The following SLC35F1 variants were observed in gnomAD, a reference collection of about 807,000 sequenced individuals.
The protein encoded by SLC35F1 is solute carrier family 35 member F1.
In SLC35F1, 14 loss-of-function variants were observed where a neutral mutation model predicts 48.7. The observed-to-expected ratio is 0.29, with a 90% confidence interval of 0.19 to 0.45. SLC35F1 has a LOEUF of 0.45. Ranked by LOEUF, SLC35F1 falls within the 20% of genes least tolerant of loss-of-function variation. The pLI, the probability that SLC35F1 is intolerant of heterozygous loss-of-function variation, is 1.00. For missense variants in SLC35F1, 404 were observed against 500.0 expected, an observed-to-expected ratio of 0.81 and a Z score of 1.83; for synonymous variants, 190 against 202.2, an observed-to-expected ratio of 0.94 and a Z score of 0.51.
At chr6:117,943,181 G>T (rs1270765070) in intron 1 of SLC35F1, among the ~76,000 whole-genome samples, 1 of 152,150 alleles carries the variant, frequency 6.6e-6, no homozygotes, top group Non-Finnish European at 1.5e-5. Flanking sequence ...AACGTGACAT[G>T]TGTATCTCTA....
At chr6:118,037,662 G>A (rs143310694) in intron 1 of SLC35F1, among the ~76,000 whole-genome samples, 2,215 of 152,098 alleles carry the variant, frequency 0.015, 62 homozygotes, top group African/African-American at 0.05. Context: ...AATGTGGTAC[G>A]TATACACCAT....
At chr6:118,241,518 T>A (rs1775439755) in intron 3 of SLC35F1, among the ~76,000 whole-genome samples, 1 of 152,160 alleles carries the variant, frequency 6.6e-6, no homozygotes, top group Non-Finnish European at 1.5e-5. Context: ...TACTTTAGAA[T>A]AATGACAGAT....
intron 3 of SLC35F1, among the ~76,000 whole-genome samples, chr6:118,261,029 A>G (rs1775705567): frequency 6.6e-6 from 1 of 152,176 alleles, no homozygotes; most frequent in African/African-American, 2.4e-5. Context: ...TGATGATGCA[A>G]TATTTTTGAC....
intron 2 of SLC35F1, among the ~76,000 whole-genome samples, chr6:118,177,112 C>A (rs1429141511): frequency 1.3e-5 from 2 of 152,068 alleles, no homozygotes; most frequent in African/African-American, 4.8e-5. Flanking sequence ...AAAGTCACCT[C>A]AAGTCACATT....
intron 3 of SLC35F1, among the ~76,000 whole-genome samples, chr6:118,252,976 G>T (rs1455673251): frequency 6.6e-6 from 1 of 152,134 alleles, no homozygotes; most frequent in Non-Finnish European, 1.5e-5. Context: ...TTATGTTTGA[G>T]CCTTGATGAG....
At chr6:118,299,544 A>G (rs1291523371) in intron 7 of SLC35F1, among the ~76,000 whole-genome samples, 1 of 152,232 alleles carries the variant, frequency 6.6e-6, no homozygotes, top group African/African-American at 2.4e-5. Flanking sequence ...AAATGTGATG[A>G]TATAGTAATA....
intron 2 of SLC35F1, among the ~76,000 whole-genome samples, chr6:118,228,526 A>C (rs1248542016): frequency 6.6e-6 from 1 of 152,010 alleles, no homozygotes; most frequent in Non-Finnish European, 1.5e-5. Flanking sequence ...AACATGACGA[A>C]ATCCCGACTC....
At chr6:117,950,975 T>G (rs1264567410) in intron 1 of SLC35F1, among the ~76,000 whole-genome samples, 1 of 152,220 alleles carries the variant, frequency 6.6e-6, no homozygotes, top group African/African-American at 2.4e-5. Context: ...CTTAAATATG[T>G]CTAAACTAAA....
At chr6:118,305,252 C>T (rs371535792) in intron 7 of SLC35F1, among the ~76,000 whole-genome samples, 49 of 151,590 alleles carry the variant, frequency 3.2e-4, no homozygotes, top group East Asian at 2.7e-3. Context: ...CCTGGGGGGC[C>T]CTCAGTCTTT....
At chr6:118,124,939 G>C (rs1773602532) in intron 1 of SLC35F1, among the ~76,000 whole-genome samples, 1 of 152,126 alleles carries the variant, frequency 6.6e-6, no homozygotes, top group Non-Finnish European at 1.5e-5. Flanking sequence ...CAAGATGAAT[G>C]AACAGTAAAT....
At chr6:118,245,299 G>C (rs990670567) in intron 3 of SLC35F1, among the ~76,000 whole-genome samples, 1 of 152,150 alleles carries the variant, frequency 6.6e-6, no homozygotes, top group African/African-American at 2.4e-5. Context: ...ACTCTCTTTG[G>C]ATAACTCAGT....
intron 1 of SLC35F1, among the ~76,000 whole-genome samples, chr6:118,151,452 A>C (rs984798762): frequency 1.3e-5 from 2 of 152,156 alleles, no homozygotes; most frequent in African/African-American, 4.8e-5. Context: ...TTCTCCACTA[A>C]AACCAGCTCC....
At chr6:117,934,404 A>T (rs552289355) in intron 1 of SLC35F1, among the ~76,000 whole-genome samples, 2 of 152,298 alleles carry the variant, frequency 1.3e-5, no homozygotes, top group African/African-American at 4.8e-5. Flanking sequence ...TATTGGGGAG[A>T]TACATTATGA....
intron 1 of SLC35F1, among the ~76,000 whole-genome samples, chr6:118,073,296 T>C (rs1772766814): frequency 6.6e-6 from 1 of 152,182 alleles, no homozygotes; most frequent in Non-Finnish European, 1.5e-5. Context: ...TGGGACAGCA[T>C]AGATTTGAGT....
At chr6:118,247,555 A>G (rs1257225027) in intron 3 of SLC35F1, among the ~76,000 whole-genome samples, 1 of 152,258 alleles carries the variant, frequency 6.6e-6, no homozygotes, top group Non-Finnish European at 1.5e-5. Context: ...TTTTTAATAT[A>G]CTGGGAAATA....
chr6:118,168,869 C>T (rs1774358123), intron 2 of SLC35F1, among the ~76,000 whole-genome samples: 1 of 152,264 alleles, frequency 6.6e-6, no homozygotes, highest in East Asian at 1.9e-4. Flanking sequence ...CAAGTGAAAA[C>T]ACGGTGGAAG....
chr6:118,286,384 A>T (rs1197534114), intron 7 of SLC35F1, among the ~76,000 whole-genome samples: 1 of 152,162 alleles, frequency 6.6e-6, no homozygotes, highest in Admixed American at 6.5e-5. Context: ...ACAATAAGCT[A>T]AAAAGAGCAT....
chr6:118,263,362 A>G (rs912234415), intron 3 of SLC35F1, among the ~76,000 whole-genome samples: 1 of 152,138 alleles, frequency 6.6e-6, no homozygotes, highest in South Asian at 2.1e-4. Flanking sequence ...GGCCGTGTCT[A>G]TAAAATTAGA....
At chr6:118,104,771 G>C (rs987088616) in intron 1 of SLC35F1, among the ~76,000 whole-genome samples, 2 of 152,146 alleles carry the variant, frequency 1.3e-5, no homozygotes, top group African/African-American at 4.8e-5. Context: ...GTACTTGCAA[G>C]TTAAAAAGAC....
Sources: gnomAD v4.1 joint callset for allele counts (sites outside exome capture counted in the v4.1 genomes callset) on GRCh38, gnomAD v4.1.1 for gene constraint, MANE v1.5 for transcripts, NCBI Gene and HGNC (gene_info 2026-07-23, HGNC 2026-07-21) for gene names.